Variants in HERC1 observed in about 807,000 individuals in gnomAD.
The protein encoded by HERC1 is probable E3 ubiquitin-protein ligase HERC1.
A neutral mutation model predicts 554.3 loss-of-function variants in HERC1; 160 were observed. The ratio of observed to expected loss-of-function variants is 0.29; its 90% CI spans 0.25 to 0.33. HERC1 has a LOEUF of 0.33. HERC1 is among the 10% of genes least tolerant of loss of function. The pLI is 1.00. For synonymous variants in HERC1, 2,175 were observed against 2,131.7 expected, an observed-to-expected ratio of 1.02 and a Z score of -0.56; for missense variants, 4,919 against 5,918.5, an observed-to-expected ratio of 0.83 and a Z score of 5.54.
intron 1 of HERC1, among the ~76,000 whole-genome samples, chr15:63,812,811 A>T (rs374444954): frequency 3.9e-5 from 6 of 152,278 alleles, no homozygotes; most frequent in African/African-American, 1.2e-4. Flanking sequence ...ATTATTAAGG[A>T]AAGAAATCAA....
intron 2 of HERC1, among the ~76,000 whole-genome samples, chr15:63,765,028 GA>G (rs899164866): frequency 5.3e-5 from 8 of 152,056 alleles, no homozygotes; most frequent in Non-Finnish European, 1.0e-4. Flanking sequence ...CCTGACAAAA[GA>G]AAAAAATTAA....
rs2070610168 is a variant in HERC1 at position 63,665,934 on chromosome 15, T to G, written c.8540A>C (p.Glu2847Ala). The change falls in exon 42 of 78, where the codon GAA becomes GCA. Residue 2847 changes from glutamate to alanine, a missense_variant. Transcript: ENST00000443617. The stretch of plus-strand genomic sequence containing the variant: ...GGAATTTCACCTTTCACTAAAACCT[T>G]CCTCCATTTCAGCAGCATCAGCTGA... ...IPSADAAEME[E>A]GFSESPDNLD... is the part of the protein sequence containing the mutation. 1 of 1,612,300 alleles carries G rather than the reference T, an allele frequency of 6.2e-7. No individual in the cohort carries two copies. The highest frequency in any genetic ancestry group is 1.3e-5 in the African/African-American group (1 of 74,896).
At chr15:63,802,287 A>G (rs1224877195) in intron 1 of HERC1, among the ~76,000 whole-genome samples, 5 of 152,194 alleles carry the variant, frequency 3.3e-5, no homozygotes, top group Non-Finnish European at 7.3e-5. Context: ...AAAAAGAAAA[A>G]ACTTTTTCGT....
At chr15:63,621,142 T>G (rs928559840) in intron 74 of HERC1, among the ~76,000 whole-genome samples, 1 of 152,260 alleles carries the variant, frequency 6.6e-6, no homozygotes, top group Non-Finnish European at 1.5e-5. Flanking sequence ...CAGTTCTTCC[T>G]TTCCATGTTT....
chr15:63,652,368 A>G, intron 52 of HERC1, 46 bp downstream of exon 52: 1 of 1,539,292 alleles, frequency 6.5e-7, no homozygotes, highest in Non-Finnish European at 8.8e-7. Context: ...AGGCATGTTT[A>G]GGATTCTCTT....
At chr15:63,672,411 T>C (rs150035605) in intron 39 of HERC1, 85 bp downstream of exon 39, 246 of 867,152 alleles carry the variant, frequency 2.8e-4, no homozygotes, top group East Asian at 8.0e-5. Context: ...CAAGATTCAG[T>C]TGGGCATACT....
At chr15:63,637,124 T>C (rs74725659) in intron 64 of HERC1, 6,342 of 457,372 alleles carry the variant, frequency 0.014, 330 homozygotes, top group African/African-American at 0.11. Flanking sequence ...GATGAAGATG[T>C]CCTTTAAAGT....
chr15:63,803,781 A>G (rs1227499745), intron 1 of HERC1, among the ~76,000 whole-genome samples: 2 of 152,254 alleles, frequency 1.3e-5, no homozygotes. Flanking sequence ...CTTGCAAGGC[A>G]GGAAGGCAAT....
chr15:63,722,842 C>T (rs1039552491), intron 19 of HERC1, among the ~76,000 whole-genome samples: 4 of 152,108 alleles, frequency 2.6e-5, no homozygotes, highest in South Asian at 2.1e-4. Context: ...ATATAAGGTA[C>T]GGTACTACCT....
intron 2 of HERC1, among the ~76,000 whole-genome samples, chr15:63,765,718 A>G (rs906893393): frequency 5.9e-5 from 9 of 152,094 alleles, no homozygotes; most frequent in Non-Finnish European, 8.8e-5. Flanking sequence ...GATCAAACCA[A>G]TAAGATCTTA....
At chr15:63,810,900 A>G (rs1403463500) in intron 1 of HERC1, among the ~76,000 whole-genome samples, 1 of 152,234 alleles carries the variant, frequency 6.6e-6, no homozygotes, top group Non-Finnish European at 1.5e-5. Context: ...CATCACCTAC[A>G]TAGTGTTAAT....
chr15:63,615,899 CA>C lies in HERC1; in HGVS notation c.13962del (p.Phe4654LeufsTer13). Reference protein sequence around the residue: ...SFHEMIPLDSFVGQSADGKMV... With the variant: ...SFHEMIPLDSXVGQSADGKMV... ...ATTTTGCCATCAGCACTCTGGCCAACAAAAGAATCAAGAGGAATCATCTAGG... is the reference window on the plus strand; with the variant it reads ...ATTTTGCCATCAGCACTCTGGCCAACAAAGAATCAAGAGGAATCATCTAGG... On this transcript the variant is annotated frameshift_variant, in exon 76 of 78. Coordinates refer to ENST00000443617, the MANE Select transcript of HERC1 (RefSeq NM_003922.4). LOFTEE classifies it high-confidence loss of function. 6.3e-7 allele frequency: 1 copy of C among 1,593,926 alleles called. No individual in the cohort carries two copies.
Position 63,696,141 on chromosome 15 carries a change from G to A in HERC1, c.5104C>T (p.Arg1702Ter), listed in dbSNP as rs371150754. ...GHTGGKGESGRLHHYQDGIRA... is the reference protein window; with the variant it reads ...GHTGGKGESG ...TCACCTACCTGATAGTGATGCAATC[G>A]GCCACTCTCTCCCTTGCCTCCTGTG... Residue 1702 changes from arginine to a stop codon, truncating the protein, a stop_gained, in exon 27 of 78, where the codon CGA becomes TGA. Transcript: ENST00000443617. LOFTEE classifies it high-confidence loss of function. The A allele has an allele frequency of 6.2e-7, 1 of 1,612,312 alleles. No homozygotes were observed. The highest frequency in any genetic ancestry group is 8.5e-7 in the Non-Finnish European group (1 of 1,178,874).
rs191022744 is a variant in HERC1 at position 63,711,267 on chromosome 15, C to T, written c.4584+1508G>A. Among the ~76,000 whole-genome samples the T allele has an allele frequency of 1.1e-3, 174 of 152,216 alleles. 1 individual carries two copies. The highest frequency in any genetic ancestry group is 4.1e-3 in the African/African-American group (170 of 41,536). On this transcript the variant is annotated intron_variant, in intron 24 of 77. Transcript: ENST00000443617. ...TTGAGCTCAGGAGTTCGAGGCTGCA[C>T]TGAGCAGCCTGAACTCCAGCCTGAG... is the stretch of plus-strand genomic sequence containing the variant.
At chr15:63,725,826 C>T (rs980961743) in intron 17 of HERC1, among the ~76,000 whole-genome samples, 2 of 152,168 alleles carry the variant, frequency 1.3e-5, no homozygotes, top group African/African-American at 4.8e-5. Context: ...CCAAAATTCA[C>T]TATCTTTAGG....
At chr15:63,786,745 G>T (rs1409472498) in intron 1 of HERC1, among the ~76,000 whole-genome samples, 1 of 152,168 alleles carries the variant, frequency 6.6e-6, no homozygotes, top group East Asian at 1.9e-4. Context: ...GTTGCCAGAG[G>T]CTGGAGAGGA....
chr15:63,832,246 A>G (rs1596349387), intron 1 of HERC1, among the ~76,000 whole-genome samples: 1 of 152,190 alleles, frequency 6.6e-6, no homozygotes, highest in East Asian at 1.9e-4. Context: ...TCCAAGATAT[A>G]TAAATGTGTA....
At chr15:63,829,444 A>ATGTG (rs35693299) in intron 1 of HERC1, among the ~76,000 whole-genome samples, 4,266 of 132,466 alleles carry the variant, frequency 0.032, 107 homozygotes, top group South Asian at 0.069. Flanking sequence ...AAACGTCAGT[A>ATGTG]TGTGTGTGTG....
Position 63,661,957 on chromosome 15 carries a change from A to C in HERC1, c.8966T>G (p.Val2989Gly). The change falls in exon 45 of 78, where the codon GTC becomes GGC. Residue 2989 changes from valine (V) to glycine (G), a missense_variant. Val to Gly is a moderately radical substitution (Grantham distance 109). Coordinates refer to ENST00000443617, the MANE Select transcript of HERC1 (RefSeq NM_003922.4). ...VVCELCECSV[V>G]SFNQHMKRNH... ...TCTCTTCATGTGCTGATTGAAGCTG[A>C]CGACGCTGCATTCACACAGTTCACA... is the stretch of plus-strand genomic sequence containing the variant. The C allele has an allele frequency of 6.2e-7, 1 of 1,613,966 alleles. No individual in the cohort carries two copies.
Sources: gnomAD v4.1 joint callset for allele counts (sites outside exome capture counted in the v4.1 genomes callset) on GRCh38, gnomAD v4.1.1 for gene constraint, MANE v1.5 for transcripts, NCBI Gene and HGNC (gene_info 2026-07-23, HGNC 2026-07-21) for gene names.